TNIP3: variants seen among roughly 807,000 people sequenced by gnomAD.
TNIP3 encodes TNFAIP3-interacting protein 3.
A neutral mutation model predicts 54.1 loss-of-function variants in TNIP3; 34 were observed. The ratio of observed to expected loss-of-function variants is 0.63; its 90% CI spans 0.48 to 0.84. The LOEUF (loss-of-function observed/expected upper bound fraction) is 0.84, where lower values mean the gene tolerates loss of function less well. TNIP3 is among the 40% of genes least tolerant of loss of function. The pLI, the probability that TNIP3 is intolerant of heterozygous loss-of-function variation, is 0.00. For synonymous variants in TNIP3, 134 were observed against 136.8 expected, an observed-to-expected ratio of 0.98 and a Z score of 0.14; for missense variants, 366 against 387.6, an observed-to-expected ratio of 0.94 and a Z score of 0.47.
At position 121,137,927 on chromosome 4, in the gene TNIP3, G is replaced by A. The variant is rs566665449; in HGVS notation, c.946+697C>T. On this transcript the variant is annotated intron_variant, in intron 10 of 10. Coordinates refer to ENST00000057513, the MANE Select transcript of TNIP3 (RefSeq NM_024873.6). ...ATGTATACTTGATGAGAATAGAAGT[G>A]GGATTTTGATTATAGCTCAGTTTAT... 1.5e-4 allele frequency: 70 copies of A among 456,056 alleles called. No homozygotes were observed. In the East Asian group the frequency reaches 4.7e-3, roughly 30 times the overall value. The allele number at this position is 456,056 out of a possible 1,614,324, so 28.3% of individuals were successfully genotyped here. A position where few individuals can be genotyped will look rare whatever the true frequency, so the allele number is the denominator to read the frequency against.
intron 1 of TNIP3, 86 bp from the exon 2 acceptor site, chr4:121,161,302 T>G: frequency 5.2e-6 from 6 of 1,152,434 alleles, no homozygotes; most frequent in Non-Finnish European, 7.3e-6. Context: ...CCCATGCATT[T>G]GGCCAACTCT....
At chr4:121,217,714 T>G (rs945725926), upstream of TNIP3, among the ~76,000 whole-genome samples, 1 of 152,246 alleles carries the variant, frequency 6.6e-6, no homozygotes, top group African/African-American at 2.4e-5. Flanking sequence ...ATAGAGTGAC[T>G]GCAATAAGTG....
At chr4:121,214,889 C>CA (rs1303901742) in intron 2 of TNIP3, among the ~76,000 whole-genome samples, 2 of 152,172 alleles carry the variant, frequency 1.3e-5, no homozygotes, top group Admixed American at 1.3e-4. Flanking sequence ...TATTCTGCTG[C>CA]ATGTCGAGTC....
At chr4:121,170,415 G>T (rs1171433553) in intron 3 of TNIP3, among the ~76,000 whole-genome samples, 2 of 152,116 alleles carry the variant, frequency 1.3e-5, no homozygotes, top group Non-Finnish European at 2.9e-5. Context: ...AAAGTTATAG[G>T]CTTTGCCTCC....
At position 121,161,227 on chromosome 4, in the gene TNIP3, A is replaced by C. The variant is rs755407820; in HGVS notation, c.67-11T>G. The C allele has an allele frequency of 2.6e-6, 4 of 1,553,124 alleles. No homozygotes were observed. The South Asian group carries it at 4.8e-5, about 19-fold the overall frequency. On this transcript the variant is annotated splice_polypyrimidine_tract_variant and intron_variant, in intron 1 of 10. Coordinates refer to ENST00000057513, the MANE Select transcript of TNIP3 (RefSeq NM_024873.6). ...TGATGGTTCAGCACACTTAGAAAAAAAAAAAGAGAGAAGATTGAAACAAAG... is the reference window on the plus strand; with the variant it reads ...TGATGGTTCAGCACACTTAGAAAAACAAAAAGAGAGAAGATTGAAACAAAG...
chr4:121,139,795 C>T (rs565547496), intron 9 of TNIP3, among the ~76,000 whole-genome samples: 17 of 152,224 alleles, frequency 1.1e-4, no homozygotes, highest in South Asian at 2.1e-4. Context: ...TTTATCTTCT[C>T]GTTTATTTTT....
intron 7 of TNIP3, among the ~76,000 whole-genome samples, chr4:121,143,325 G>A (rs1345990653): frequency 6.6e-6 from 1 of 152,148 alleles, no homozygotes; most frequent in Non-Finnish European, 1.5e-5. Flanking sequence ...GCCTCATCTA[G>A]ATGAATCACC....
chr4:121,211,854 A>T (rs1390370342), intron 2 of TNIP3, among the ~76,000 whole-genome samples: 2 of 152,198 alleles, frequency 1.3e-5, no homozygotes, highest in Non-Finnish European at 2.9e-5. Context: ...AGCTGGCTGC[A>T]GGTTGTCTGT....
At chr4:121,161,318 T>G (rs1422385573) in intron 1 of TNIP3, 102 bp from the exon 2 acceptor site, 1 of 978,406 alleles carries the variant, frequency 1.0e-6, no homozygotes, top group Non-Finnish European at 1.5e-6. Flanking sequence ...ACTCTCCTGT[T>G]GCGATTTAAA....
chr4:121,163,914 T>C, intron 1 of TNIP3, 146 bp downstream of exon 1: 1 of 865,010 alleles, frequency 1.2e-6, no homozygotes, highest in Non-Finnish European at 1.6e-6. Context: ...CTATGTTACA[T>C]AATTTTGGTT....
intron 2 of TNIP3, among the ~76,000 whole-genome samples, chr4:121,208,715 T>TA (rs1486681016): frequency 6.6e-6 from 1 of 152,146 alleles, no homozygotes; most frequent in Non-Finnish European, 1.5e-5. Flanking sequence ...TGTGATATAA[T>TA]AAAAAATACA....
At chr4:121,152,621 G>A (rs913786632) in intron 5 of TNIP3, among the ~76,000 whole-genome samples, 1 of 152,134 alleles carries the variant, frequency 6.6e-6, no homozygotes, top group African/African-American at 2.4e-5. Flanking sequence ...CCTGTTCTAA[G>A]TATTCAAGAT....
chr4:121,207,993 G>A (rs946957031), intron 2 of TNIP3, among the ~76,000 whole-genome samples: 1 of 152,104 alleles, frequency 6.6e-6, no homozygotes, highest in Non-Finnish European at 1.5e-5. Context: ...GAAATCTGAT[G>A]GTTTTATCAG....
At chr4:121,214,456 A>T (rs141485476) in intron 2 of TNIP3, among the ~76,000 whole-genome samples, 1,644 of 152,354 alleles carry the variant, frequency 0.011, 8 homozygotes, top group Non-Finnish European at 0.016. Context: ...TGTGGAGAAG[A>T]GGCAAGAGAA....
chr4:121,148,861 A>G (rs1363005985), intron 6 of TNIP3, among the ~76,000 whole-genome samples: 3 of 152,246 alleles, frequency 2.0e-5, no homozygotes, highest in Non-Finnish European at 4.4e-5. Context: ...AAAACCAGTC[A>G]GTAAATCATA....
chr4:121,170,176 G>A (rs571204190), intron 3 of TNIP3, among the ~76,000 whole-genome samples: 2 of 152,300 alleles, frequency 1.3e-5, no homozygotes, highest in East Asian at 3.9e-4. Flanking sequence ...TAAAGCAGTT[G>A]TTAATTCGAT....
At chr4:121,183,906 A>T (rs1358714973) in intron 2 of TNIP3, among the ~76,000 whole-genome samples, 1 of 152,084 alleles carries the variant, frequency 6.6e-6, no homozygotes. Context: ...TTATTTCATT[A>T]TATATTACAA....
chr4:121,172,889 T>C (rs928385291), intron 3 of TNIP3, among the ~76,000 whole-genome samples: 2 of 152,218 alleles, frequency 1.3e-5, no homozygotes, highest in Non-Finnish European at 2.9e-5. Context: ...TAAATTTAGT[T>C]AAGAAAACAA....
At chr4:121,218,295 T>C (rs1726886280), upstream of TNIP3, among the ~76,000 whole-genome samples, 1 of 152,138 alleles carries the variant, frequency 6.6e-6, no homozygotes, top group African/African-American at 2.4e-5. Context: ...TAGTTTAAGA[T>C]TTACAAATAA....
Sources: gnomAD v4.1 joint callset for allele counts (sites outside exome capture counted in the v4.1 genomes callset) on GRCh38, gnomAD v4.1.1 for gene constraint, MANE v1.5 for transcripts, NCBI Gene and HGNC (gene_info 2026-07-23, HGNC 2026-07-21) for gene names.